INPP4B: variants seen among roughly 807,000 people sequenced by gnomAD.
The protein encoded by INPP4B is inositol polyphosphate 4-phosphatase type II.
Under a neutral mutation model 122.5 loss-of-function variants are expected in INPP4B, and 55 were observed. The observed-to-expected ratio is 0.45, with a 90% CI of 0.36 to 0.56. INPP4B has a LOEUF of 0.56. Ranked by LOEUF, INPP4B falls within the 20% of genes least tolerant of loss-of-function variation. INPP4B has a pLI of 0.00. For synonymous variants in INPP4B, 403 were observed against 388.7 expected (o/e 1.04, Z -0.43); for missense variants, 1,000 against 1,097.7 (o/e 0.91, Z 1.26).
At chr4:142,459,191 G>A (rs1816179389) in intron 3 of INPP4B, among the ~76,000 whole-genome samples, 1 of 151,858 alleles carries the variant, frequency 6.6e-6, no homozygotes, top group South Asian at 2.1e-4. Flanking sequence ...GAAGGAAAGA[G>A]GCATTCACAT....
At chr4:142,522,209 T>C (rs372599096) in intron 2 of INPP4B, among the ~76,000 whole-genome samples, 1 of 152,268 alleles carries the variant, frequency 6.6e-6, no homozygotes, top group African/African-American at 2.4e-5. Context: ...AAAGTTTGTA[T>C]TTCAGTATCT....
At chr4:142,213,533 C>G (rs554006083) in intron 12 of INPP4B, among the ~76,000 whole-genome samples, 2 of 152,082 alleles carry the variant, frequency 1.3e-5, no homozygotes, top group Non-Finnish European at 2.9e-5. Context: ...CCACTGGACA[C>G]GTGACAATGT....
intron 25 of INPP4B, among the ~76,000 whole-genome samples, chr4:142,059,213 A>C (rs1759318492): frequency 6.6e-6 from 1 of 152,146 alleles, no homozygotes; most frequent in Non-Finnish European, 1.5e-5. Flanking sequence ...ACTTTTCAAA[A>C]ATAAGAATCA....
chr4:142,173,882 A>C, intron 15 of INPP4B, 73 bp from the exon 16 acceptor site: 1 of 1,164,446 alleles, frequency 8.6e-7, no homozygotes, highest in Non-Finnish European at 1.3e-6. Context: ...TCAGATGGCA[A>C]ATGATAAACA....
At position 142,237,867 on chromosome 4, in the gene INPP4B, C is replaced by T; in HGVS notation, c.833G>A (p.Cys278Tyr). The T allele has an allele frequency of 6.5e-7, 1 of 1,548,726 alleles. No individual in the cohort carries two copies. Reference protein sequence around the residue: ...LISLHIKEDLCRNQEIKELGE... With the variant: ...LISLHIKEDLYRNQEIKELGE... Reference sequence around the variant, plus strand: ...GAAAATAGTTATTTTCTCTTACCTGCACAAATCTTCTTTAATGTGAAGGGA... The same window carrying T: ...GAAAATAGTTATTTTCTCTTACCTGTACAAATCTTCTTTAATGTGAAGGGA... The change falls in exon 12 of 26, where the codon TGC becomes TAC. Residue 278 changes from cysteine (C) to tyrosine (Y), a missense_variant. Transcript: ENST00000262992.
chr4:142,696,554 T>C (rs1761056909), intron 2 of INPP4B, among the ~76,000 whole-genome samples: 1 of 152,176 alleles, frequency 6.6e-6, no homozygotes, highest in Non-Finnish European at 1.5e-5. Flanking sequence ...CTTCAGTGCT[T>C]GCCCAACTTT....
intron 23 of INPP4B, among the ~76,000 whole-genome samples, chr4:142,105,513 T>C (rs1442929758): frequency 3.3e-5 from 5 of 152,150 alleles, no homozygotes; most frequent in Non-Finnish European, 7.4e-5. Flanking sequence ...AATGCTTCTA[T>C]ATGAGAAGAG....
At chr4:142,159,031 T>A (rs1818684724) in intron 17 of INPP4B, among the ~76,000 whole-genome samples, 1 of 151,998 alleles carries the variant, frequency 6.6e-6, no homozygotes, top group African/African-American at 2.4e-5. Context: ...ATAGTATTAA[T>A]CTTCTTAATA....
chr4:142,570,138 A>G (rs934691077), intron 2 of INPP4B, among the ~76,000 whole-genome samples: 1 of 152,102 alleles, frequency 6.6e-6, no homozygotes. Flanking sequence ...GTGTCTATGA[A>G]CCAACAGAAA....
intron 1 of INPP4B, among the ~76,000 whole-genome samples, chr4:142,811,857 A>T (rs977529454): frequency 2.0e-5 from 3 of 152,162 alleles, no homozygotes; most frequent in African/African-American, 7.2e-5. Context: ...CCCAAAGAAA[A>T]GCGCGCTGCT....
intron 7 of INPP4B, among the ~76,000 whole-genome samples, chr4:142,321,868 T>A (rs1298629760): frequency 6.6e-6 from 1 of 152,210 alleles, no homozygotes; most frequent in African/African-American, 2.4e-5. Flanking sequence ...AGTTGGGTAA[T>A]GTAATGCCTC....
At chr4:142,488,113 G>A (rs1260863848) in intron 2 of INPP4B, among the ~76,000 whole-genome samples, 1 of 152,034 alleles carries the variant, frequency 6.6e-6, no homozygotes, top group African/African-American at 2.4e-5. Flanking sequence ...TATTATGAAT[G>A]AATGTTGAAT....
chr4:142,514,495 A>G (rs1017805950), intron 2 of INPP4B: 11 of 152,194 alleles, frequency 7.2e-5, no homozygotes, highest in African/African-American at 2.7e-4. Context: ...TTTCAAATTT[A>G]TATTGCTGTT....
intron 2 of INPP4B, among the ~76,000 whole-genome samples, chr4:142,655,330 A>C (rs1049044642): frequency 1.3e-5 from 2 of 152,220 alleles, no homozygotes; most frequent in African/African-American, 4.8e-5. Context: ...ATTTACAGGG[A>C]ATAGATTAAA....
intron 11 of INPP4B, among the ~76,000 whole-genome samples, chr4:142,248,863 A>G (rs1730495136): frequency 6.6e-6 from 1 of 152,112 alleles, no homozygotes; most frequent in Non-Finnish European, 1.5e-5. Flanking sequence ...TTCTAGATCA[A>G]TGGGAGAGGG....
rs931034687 is a variant in INPP4B at position 142,026,033 on chromosome 4, A to G, written c.*2749T>C. 3 of 151,198 alleles carry G rather than the reference A, an allele frequency of 2.0e-5. No homozygotes were observed. The highest frequency in any genetic ancestry group is 4.4e-5 in the Non-Finnish European group (3 of 67,596). 9.4% of individuals were successfully genotyped at this position (151,198 alleles called of 1,614,324 possible). Reference sequence around the variant, plus strand: ...AATCCAGAATTGATATCTGCATTTAATATCAAAGGGGAACATATTATTTTT... The same window carrying G: ...AATCCAGAATTGATATCTGCATTTAGTATCAAAGGGGAACATATTATTTTT... On this transcript the variant is annotated 3_prime_UTR_variant, in exon 26 of 26. Transcript: ENST00000262992.
At chr4:142,473,668 A>G (rs147727956) in intron 2 of INPP4B, among the ~76,000 whole-genome samples, 251 of 152,328 alleles carry the variant, frequency 1.6e-3, no homozygotes, top group African/African-American at 5.8e-3. Flanking sequence ...ACAAGGTCCC[A>G]TGTTAGGTTC....
intron 2 of INPP4B, among the ~76,000 whole-genome samples, chr4:142,608,879 C>T (rs1374216271): frequency 6.6e-6 from 1 of 152,134 alleles, no homozygotes; most frequent in Non-Finnish European, 1.5e-5. Context: ...TCCCATCATG[C>T]TTCCTCAGTG....
intron 2 of INPP4B, among the ~76,000 whole-genome samples, chr4:142,642,668 T>G (rs1318129247): frequency 6.6e-6 from 1 of 152,240 alleles, no homozygotes; most frequent in Non-Finnish European, 1.5e-5. Flanking sequence ...TTGGTTACTG[T>G]AGCCTTGTAG....
Sources: gnomAD v4.1 joint callset for allele counts (sites outside exome capture counted in the v4.1 genomes callset) on GRCh38, gnomAD v4.1.1 for gene constraint, MANE v1.5 for transcripts, NCBI Gene and HGNC (gene_info 2026-07-23, HGNC 2026-07-21) for gene names.